Variants in ZNF385D observed in about 807,000 individuals in gnomAD.
ZNF385D encodes zinc finger protein 385D.
A neutral mutation model predicts 35.8 loss-of-function variants in ZNF385D; 15 were observed. The observed-to-expected ratio is 0.42, with a 90% CI of 0.28 to 0.64. The LOEUF is 0.64. Among genes scored for constraint, ZNF385D ranks in the 30% least tolerant of loss-of-function variants. The pLI, the probability that ZNF385D is intolerant of heterozygous loss-of-function variation, is 0.23. For missense variants in ZNF385D, 474 were observed against 494.6 expected, an observed-to-expected ratio of 0.96 and a Z score of 0.39; for synonymous variants, 212 against 186.8, an observed-to-expected ratio of 1.13 and a Z score of -1.10.
At chr3:22,120,855 TTAAA>T (rs1436919603) in intron 3 of ZNF385D, among the ~76,000 whole-genome samples, 1 of 152,148 alleles carries the variant, frequency 6.6e-6, no homozygotes, top group African/African-American at 2.4e-5. Flanking sequence ...AAAAGTATTT[TTAAA>T]TGAGTACAAT....
intron 3 of ZNF385D, among the ~76,000 whole-genome samples, chr3:22,073,117 G>C (rs1251915707): frequency 6.6e-6 from 1 of 151,928 alleles, no homozygotes; most frequent in African/African-American, 2.4e-5. Flanking sequence ...AGCAGTCCTG[G>C]AAAGGCTGAA....
rs10611617 is a variant in ZNF385D, at chr3:22,310,316, GAT to G, written c.106+62132_106+62133del. On this transcript the variant is annotated intron_variant, in intron 2 of 5. Coordinates refer to the ZNF385D transcript ENST00000494108. ...TACCTTTCTTGATGGCTATGAGAAT[GAT>G]ATGAGCTGTTACATAAAAGGGCCTA... Among the ~76,000 whole-genome samples, 1,502 of 152,018 alleles carry G rather than the reference GAT, an allele frequency of 9.9e-3. 28 individuals carry two copies. The highest frequency in any genetic ancestry group is 0.034 in the African/African-American group (1,431 of 41,522).
At chr3:22,268,579 G>T (rs1261711942) in intron 2 of ZNF385D, among the ~76,000 whole-genome samples, 2 of 152,040 alleles carry the variant, frequency 1.3e-5, no homozygotes, top group Non-Finnish European at 2.9e-5. Flanking sequence ...AAAGAGGCAT[G>T]GCTCTGTTCT....
intron 3 of ZNF385D, among the ~76,000 whole-genome samples, chr3:22,081,577 T>C (rs1183119799): frequency 2.0e-5 from 3 of 152,146 alleles, no homozygotes; most frequent in Admixed American, 6.6e-5. Flanking sequence ...TTCCAATAGA[T>C]AGACTGGTGT....
At chr3:21,854,904 A>G (rs150413906) in intron 3 of ZNF385D, among the ~76,000 whole-genome samples, 15 of 152,130 alleles carry the variant, frequency 9.9e-5, no homozygotes, top group African/African-American at 3.4e-4. Flanking sequence ...TAGTAAATTG[A>G]AAATTATAAT....
chr3:22,366,562 C>G (rs1696666144), intron 2 of ZNF385D, among the ~76,000 whole-genome samples: 1 of 152,028 alleles, frequency 6.6e-6, no homozygotes, highest in South Asian at 2.1e-4. Context: ...TTACATTTTA[C>G]TAATGTTGGG....
intron 1 of ZNF385D, among the ~76,000 whole-genome samples, chr3:21,724,651 C>T (rs1177805916): frequency 6.6e-6 from 1 of 151,984 alleles, no homozygotes; most frequent in Non-Finnish European, 1.5e-5. Context: ...AATATATACG[C>T]ACCCAGGACA....
chr3:22,368,555 G>T (rs1487895520), intron 2 of ZNF385D, among the ~76,000 whole-genome samples: 1 of 152,156 alleles, frequency 6.6e-6, no homozygotes, highest in Non-Finnish European at 1.5e-5. Context: ...CAGTTCTGGA[G>T]GCTGTGAAGA....
At chr3:21,945,551 C>G (rs1286421269) in intron 3 of ZNF385D, among the ~76,000 whole-genome samples, 2 of 152,110 alleles carry the variant, frequency 1.3e-5, no homozygotes, top group Non-Finnish European at 2.9e-5. Flanking sequence ...TTATTTTGAT[C>G]ATGTGAAAGA....
At chr3:22,275,611 A>T (rs901649991) in intron 2 of ZNF385D, among the ~76,000 whole-genome samples, 1 of 152,184 alleles carries the variant, frequency 6.6e-6, no homozygotes, top group Non-Finnish European at 1.5e-5. Flanking sequence ...AAAGAATCAT[A>T]TTTCAATTTT....
At chr3:21,476,935 C>T (rs112784637) in intron 4 of ZNF385D, among the ~76,000 whole-genome samples, 15 of 152,188 alleles carry the variant, frequency 9.9e-5, no homozygotes, top group African/African-American at 3.6e-4. Flanking sequence ...TGGAGGAGTC[C>T]GTGAGAATGT....
At chr3:21,467,660 A>AT (rs1239700212) in intron 4 of ZNF385D, among the ~76,000 whole-genome samples, 1 of 152,108 alleles carries the variant, frequency 6.6e-6, no homozygotes. Context: ...CAATATCCTG[A>AT]TTCTGTCCCA....
chr3:22,160,021 G>A (rs1362780099), intron 3 of ZNF385D, among the ~76,000 whole-genome samples: 1 of 151,922 alleles, frequency 6.6e-6, no homozygotes, highest in Non-Finnish European at 1.5e-5. Context: ...ATTGAATCAT[G>A]GGGCCAGTTT....
chr3:21,690,093 T>C (rs1337759360), intron 1 of ZNF385D, among the ~76,000 whole-genome samples: 3 of 152,158 alleles, frequency 2.0e-5, no homozygotes, highest in African/African-American at 7.2e-5. Context: ...GTGTATATAA[T>C]TTGTATACAT....
intron 3 of ZNF385D, among the ~76,000 whole-genome samples, chr3:22,088,426 G>A (rs1701155877): frequency 6.6e-6 from 1 of 152,134 alleles, no homozygotes; most frequent in Admixed American, 6.6e-5. Flanking sequence ...AGGACACTTT[G>A]AGATCTGGCT....
intron 3 of ZNF385D, among the ~76,000 whole-genome samples, chr3:21,928,194 A>T (rs1361152888): frequency 2.0e-5 from 3 of 151,762 alleles, no homozygotes; most frequent in Admixed American, 6.6e-5. Context: ...CTAGGTGAGA[A>T]GTAAGAGCAT....
chr3:22,157,485 T>C (rs944202647), intron 3 of ZNF385D, among the ~76,000 whole-genome samples: 6 of 152,246 alleles, frequency 3.9e-5, no homozygotes, highest in African/African-American at 1.4e-4. Flanking sequence ...CAGATGTAGC[T>C]ATTCTACCAG....
At chr3:21,825,572 C>T (rs1694553518) in intron 3 of ZNF385D, among the ~76,000 whole-genome samples, 2 of 152,116 alleles carry the variant, frequency 1.3e-5, no homozygotes, top group African/African-American at 4.8e-5. Flanking sequence ...TTTCACTCTG[C>T]ATTCTTCATT....
At chr3:21,796,206 T>A (rs1357518618) in intron 3 of ZNF385D, among the ~76,000 whole-genome samples, 1 of 152,190 alleles carries the variant, frequency 6.6e-6, no homozygotes, top group Admixed American at 6.5e-5. Flanking sequence ...AGTAACTAAT[T>A]ATCAGTCTTA....
Sources: allele counts gnomAD v4.1 joint callset (sites outside exome capture counted in the v4.1 genomes callset), GRCh38; gene constraint gnomAD v4.1.1; transcripts MANE v1.5; gene names NCBI Gene and HGNC (gene_info 2026-07-23, HGNC 2026-07-21).